The following MECOM variants were observed in gnomAD, a reference collection of about 807,000 sequenced individuals.
MECOM encodes MDS1 and EVI1 complex locus.
A neutral mutation model predicts 116.3 loss-of-function variants in MECOM; 13 were observed. The observed-to-expected ratio is 0.11, with a 90% CI of 0.07 to 0.18. MECOM has a LOEUF of 0.18. Among genes scored for constraint, MECOM ranks in the 10% least tolerant of loss-of-function variants. The pLI, the probability that MECOM is intolerant of heterozygous loss-of-function variation, is 1.00. For synonymous variants in MECOM, 528 were observed against 535.2 expected (o/e 0.99, Z 0.19); for missense variants, 1,299 against 1,509.0 (o/e 0.86, Z 2.31).
intron 1 of MECOM, among the ~76,000 whole-genome samples, chr3:169,503,280 C>T (rs918909175): frequency 6.6e-6 from 1 of 152,080 alleles, no homozygotes; most frequent in African/African-American, 2.4e-5. Context: ...GAGCTTTATC[C>T]CTCCAATTCC....
Position 169,196,950 on chromosome 3 carries a change from G to T in MECOM, c.376-53118C>A, listed in dbSNP as rs1349964209. Among the ~76,000 whole-genome samples the T allele has an allele frequency of 3.3e-5, 5 of 151,984 alleles. No homozygotes were observed. In the East Asian group the frequency reaches 5.8e-4, roughly 18 times the overall value. On this transcript the variant is annotated intron_variant, in intron 2 of 16. Transcript: ENST00000651503. Reference sequence around the variant, plus strand: ...ACAGTGGACTAGATAAAGAAATTGTGGTATAGATACACCATGGAATACTAT... The same window carrying T: ...ACAGTGGACTAGATAAAGAAATTGTTGTATAGATACACCATGGAATACTAT...
At chr3:169,158,322 AT>A (rs775388276) in intron 2 of MECOM, among the ~76,000 whole-genome samples, 27 of 152,160 alleles carry the variant, frequency 1.8e-4, no homozygotes, top group Non-Finnish European at 3.7e-4. Context: ...CTGAATTTTA[AT>A]CTTGGAAAAC....
At chr3:169,483,815 C>G in intron 1 of MECOM, 3 of 1,611,908 alleles carry the variant, frequency 1.9e-6, no homozygotes, top group Non-Finnish European at 2.5e-6. Flanking sequence ...ATTTCAAATA[C>G]CTTTTGGAGA....
chr3:169,111,153 C>T (rs1727254344), intron 9 of MECOM, among the ~76,000 whole-genome samples: 1 of 152,110 alleles, frequency 6.6e-6, no homozygotes, highest in South Asian at 2.1e-4. Context: ...ACCCGACTCT[C>T]TCATTTTTCA....
In MECOM at chr3:169,378,456, A is replaced by AGAAAGAAAGAAG. The variant is rs1175583874; in HGVS notation, c.375+2730_375+2731insCTTCTTTCTTTC. 2.7e-4 allele frequency among the ~76,000 whole-genome samples: 14 copies of AGAAAGAAAGAAG among 51,666 alleles called. 1 individual carries two copies. Among genetic ancestry groups the AGAAAGAAAGAAG allele is most frequent in the Non-Finnish European group, 4.0e-4 (12 of 30,356 alleles). The allele number at this position is 51,666 out of a possible 152,430, so 33.9% of individuals were successfully genotyped here. A position where few individuals can be genotyped will look rare whatever the true frequency, so the allele number is the denominator to read the frequency against. ...AAGAAAGAAAGAAAGAAAGAAGGAAAGCAAGCAAGCAAGCAAGCAAGAAAG... is the reference window on the plus strand; with the variant it reads ...AAGAAAGAAAGAAAGAAAGAAGGAAAGAAAGAAAGAAGGCAAGCAAGCAAGCAAGCAAGAAAG... On this transcript the variant is annotated intron_variant, in intron 2 of 16. Transcript: ENST00000651503.
intron 1 of MECOM, among the ~76,000 whole-genome samples, chr3:169,627,669 C>G (rs1480598103): frequency 6.6e-6 from 1 of 152,190 alleles, no homozygotes; most frequent in Non-Finnish European, 1.5e-5. Flanking sequence ...AAGCTAAACT[C>G]TTAGAAGCAA....
In MECOM at chr3:169,592,115, C is replaced by T. The variant is rs568343932; in HGVS notation, c.37+71221G>A. ...CCCTTCAACCAGTCTCGCTCTTCAT[C>T]CCTCACAATGCAAACTTCAGAGTCA... On this transcript the variant is annotated intron_variant, in intron 1 of 16. Coordinates refer to ENST00000651503, the MANE Select transcript of MECOM (RefSeq NM_004991.4). Among the ~76,000 whole-genome samples, 6 of 152,314 alleles carry T rather than the reference C, an allele frequency of 3.9e-5. 1 individual carries two copies. In the South Asian group the frequency reaches 1.2e-3, roughly 32 times the overall value.
chr3:169,342,133 T>TA (rs1455651068), intron 2 of MECOM, among the ~76,000 whole-genome samples: 7 of 152,180 alleles, frequency 4.6e-5, no homozygotes, highest in Non-Finnish European at 8.8e-5. Context: ...TAAGACTATT[T>TA]AAAAATCTCA....
At chr3:169,603,748 A>C (rs1577072194) in intron 1 of MECOM, among the ~76,000 whole-genome samples, 1 of 152,214 alleles carries the variant, frequency 6.6e-6, no homozygotes, top group Admixed American at 6.5e-5. Flanking sequence ...TTCAATGTGC[A>C]ATAGGCTAAA....
rs529186476 is a variant in MECOM at position 169,175,208 on chromosome 3, G to A, written c.376-31376C>T. ...TTTTCATGGCTTTGCATCTATTATT[G>A]CATTTAAGTCACCCAATAGTCTTAA... On this transcript the variant is annotated intron_variant, in intron 2 of 16. Coordinates refer to ENST00000651503, the MANE Select transcript of MECOM (RefSeq NM_004991.4). Among the ~76,000 whole-genome samples the A allele has an allele frequency of 1.9e-4, 29 of 152,128 alleles. 1 individual carries two copies. The South Asian group carries it at 6.0e-3, about 32-fold the overall frequency.
intron 2 of MECOM, among the ~76,000 whole-genome samples, chr3:169,189,818 G>A (rs1747282372): frequency 6.6e-6 from 1 of 152,004 alleles, no homozygotes. Flanking sequence ...TTACGAATAG[G>A]TTAAGACCTT....
chr3:169,414,739 C>A (rs1481127295), intron 1 of MECOM, among the ~76,000 whole-genome samples: 3 of 152,000 alleles, frequency 2.0e-5, no homozygotes, highest in African/African-American at 7.2e-5. Context: ...GTGAAGCATA[C>A]ATAGTATCAA....
chr3:169,637,943 TAAAC>T (rs1285650049), intron 1 of MECOM, among the ~76,000 whole-genome samples: 1 of 152,062 alleles, frequency 6.6e-6, no homozygotes, highest in Admixed American at 6.5e-5. Context: ...CTCTATAAAG[TAAAC>T]AAACAAATGA....
At chr3:169,378,265 T>TCCC (rs1320882648) in intron 2 of MECOM, among the ~76,000 whole-genome samples, 2 of 150,490 alleles carry the variant, frequency 1.3e-5, no homozygotes, top group African/African-American at 4.9e-5. Flanking sequence ...GGCACGTGTA[T>TCCC]ATCTATGTAA....
chr3:169,482,555 C>T (rs1029170268), intron 1 of MECOM, among the ~76,000 whole-genome samples: 42 of 152,162 alleles, frequency 2.8e-4, no homozygotes, highest in South Asian at 6.2e-4. Context: ...AGAATGGTCT[C>T]GATCTCCTGA....
At chr3:169,494,650 C>T (rs1056529564) in intron 1 of MECOM, among the ~76,000 whole-genome samples, 2 of 152,190 alleles carry the variant, frequency 1.3e-5, no homozygotes, top group African/African-American at 4.8e-5. Context: ...TCTGTATTAA[C>T]TAATCGAGAG....
chr3:169,242,639 C>G (rs1025357789), intron 2 of MECOM, among the ~76,000 whole-genome samples: 1 of 151,964 alleles, frequency 6.6e-6, no homozygotes, highest in Non-Finnish European at 1.5e-5. Context: ...GTCTATCATA[C>G]TGATTGACGA....
chr3:169,203,766 G>C (rs927868068), intron 2 of MECOM, among the ~76,000 whole-genome samples: 16 of 152,094 alleles, frequency 1.1e-4, no homozygotes, highest in African/African-American at 3.9e-4. Flanking sequence ...AACGGCTTCA[G>C]TTGCTGTCAT....
Position 169,266,680 on chromosome 3 carries a change from A to G in MECOM, c.375+114507T>C, listed in dbSNP as rs527582933. On this transcript the variant is annotated intron_variant, in intron 2 of 16. Coordinates refer to ENST00000651503, the MANE Select transcript of MECOM (RefSeq NM_004991.4). ...TCCCATATTACATTTGGTCTTTAAT[A>G]CTGGCAATTTGAGGACATACTATTA... Among the ~76,000 whole-genome samples the G allele has an allele frequency of 1.8e-4, 28 of 152,328 alleles. 1 individual carries two copies. Among genetic ancestry groups the G allele is most frequent in the Middle Eastern group, 6.8e-3 (2 of 294 alleles).
Sources: allele counts gnomAD v4.1 joint callset (sites outside exome capture counted in the v4.1 genomes callset), GRCh38; gene constraint gnomAD v4.1.1; transcripts MANE v1.5; gene names NCBI Gene and HGNC (gene_info 2026-07-23, HGNC 2026-07-21).